Variants in NBAS observed in about 807,000 individuals in gnomAD.
NBAS encodes the protein NAG/BC035112 fusion.
NBAS carries 219 observed loss-of-function variants against 302.5 expected under a neutral mutation model. The ratio of observed to expected loss-of-function variants is 0.72; its 90% CI spans 0.65 to 0.81. The LOEUF (loss-of-function observed/expected upper bound fraction) is 0.81, where lower values mean the gene tolerates loss of function less well. Ranked by LOEUF, NBAS falls within the 30% of genes least tolerant of loss-of-function variation. The probability of loss-of-function intolerance (pLI) is 0.00; values close to 1 mark genes in which losing one functional copy is unlikely to be tolerated. For missense variants in NBAS, 2,932 were observed against 2,841.6 expected, an observed-to-expected ratio of 1.03 and a Z score of -0.72; for synonymous variants, 1,118 against 1,021.6, an observed-to-expected ratio of 1.09 and a Z score of -1.80.
intron 9 of NBAS, among the ~76,000 whole-genome samples, chr2:15,533,021 C>A (rs190802040): frequency 1.3e-5 from 2 of 152,106 alleles, no homozygotes; most frequent in Non-Finnish European, 2.9e-5. Flanking sequence ...AAAAGCTACT[C>A]AGTTTCATCA....
At chr2:15,391,342 A>G (rs2148403498) in intron 28 of NBAS, among the ~76,000 whole-genome samples, 1 of 150,556 alleles carries the variant, frequency 6.6e-6, no homozygotes, top group South Asian at 2.1e-4. Context: ...TGAGGCATGA[A>G]AGTTTAATAA....
At chr2:15,541,650 A>G (rs1663827515) in intron 6 of NBAS, among the ~76,000 whole-genome samples, 1 of 152,032 alleles carries the variant, frequency 6.6e-6, no homozygotes, top group African/African-American at 2.4e-5. Context: ...TACTGCATAC[A>G]TTCTGGAACA....
At chr2:15,086,185 T>G in the NBAS span, among the ~76,000 whole-genome samples, 1 of 152,128 alleles carries the variant, frequency 6.6e-6, no homozygotes, top group Non-Finnish European at 1.5e-5. Context: ...AGCCCCAGGC[T>G]GAGCTAGAGC....
At chr2:14,910,192 A>G in the NBAS span, among the ~76,000 whole-genome samples, 3 of 152,186 alleles carry the variant, frequency 2.0e-5, no homozygotes, top group Non-Finnish European at 4.4e-5. Context: ...TTGATTTAAA[A>G]GGTTTCTGCA....
At chr2:14,800,971 A>G in the NBAS span, among the ~76,000 whole-genome samples, 4 of 151,976 alleles carry the variant, frequency 2.6e-5, no homozygotes, top group African/African-American at 9.7e-5. Flanking sequence ...TATGGTTAGG[A>G]AAAGTATTGA....
rs1457454767 is a variant in NBAS, at chr2:15,475,808, G to C, written c.1220C>G (p.Ser407Cys). ...ADSAVTLARC[S>C]GALTVSSVKT... ...CACAGATGAAACAGTTAAAGCACCAGAGCATCGAGCTAAAGTCACTGCACT... is the reference window on the plus strand; with the variant it reads ...CACAGATGAAACAGTTAAAGCACCACAGCATCGAGCTAAAGTCACTGCACT... Residue 407 changes from serine to cysteine, a missense_variant, in exon 14 of 52, where the codon TCT (serine) becomes TGT (cysteine). Coordinates refer to ENST00000281513, the MANE Select transcript of NBAS (RefSeq NM_015909.4). The C allele has an allele frequency of 3.1e-6, 5 of 1,613,928 alleles. No individual in the cohort carries two copies. Among genetic ancestry groups the C allele is most frequent in the South Asian group, 2.2e-5 (2 of 91,082 alleles).
chr2:15,228,003 T>A (rs1667214381), intron 47 of NBAS, among the ~76,000 whole-genome samples: 1 of 152,010 alleles, frequency 6.6e-6, no homozygotes, highest in Non-Finnish European at 1.5e-5. Context: ...TACATCAAAC[T>A]AAAAAGCTCT....
chr2:15,490,380 C>T lies in NBAS; in HGVS notation c.955-1358G>A, dbSNP rs112257864. ...TTAACTAGATATAACAGGTTAATCC[C>T]AGAATCCCACAATTAAATGTAAGAT... On this transcript the variant is annotated intron_variant, in intron 11 of 51. Coordinates refer to ENST00000281513, the MANE Select transcript of NBAS (RefSeq NM_015909.4). Among the ~76,000 whole-genome samples the T allele has an allele frequency of 9.5e-3, 1,451 of 152,194 alleles. 17 individuals carry two copies. The highest frequency in any genetic ancestry group is 0.03 in the African/African-American group (1,247 of 41,518).
intron 6 of NBAS, among the ~76,000 whole-genome samples, chr2:15,546,185 A>T (rs915161248): frequency 6.6e-6 from 1 of 152,216 alleles, no homozygotes; most frequent in East Asian, 1.9e-4. Context: ...GAACATATCT[A>T]CAGTAACAGG....
the NBAS span, among the ~76,000 whole-genome samples, chr2:15,083,623 G>A: frequency 1.3e-5 from 2 of 152,190 alleles, no homozygotes; most frequent in African/African-American, 4.8e-5. Context: ...AAGCCTGCTT[G>A]TACCAACATA....
intron 35 of NBAS, among the ~76,000 whole-genome samples, chr2:15,332,620 T>C (rs1242937264): frequency 2.0e-5 from 3 of 151,066 alleles, no homozygotes; most frequent in African/African-American, 7.3e-5. Flanking sequence ...CAATATTATA[T>C]ACTATAATTT....
At chr2:14,871,385 T>C in the NBAS span, among the ~76,000 whole-genome samples, 1 of 152,070 alleles carries the variant, frequency 6.6e-6, no homozygotes, top group Non-Finnish European at 1.5e-5. Context: ...TTTAGACATA[T>C]GACATCTGAG....
intron 44 of NBAS, among the ~76,000 whole-genome samples, chr2:15,255,586 G>A (rs913273139): frequency 1.3e-5 from 2 of 152,054 alleles, no homozygotes; most frequent in African/African-American, 2.4e-5. Context: ...TTTATCTTTG[G>A]TTTTGTTTCA....
At chr2:14,874,623 A>G in the NBAS span, among the ~76,000 whole-genome samples, 1 of 151,052 alleles carries the variant, frequency 6.6e-6, no homozygotes, top group African/African-American at 2.4e-5. Flanking sequence ...CTGGACGACA[A>G]AGCGAGACTC....
chr2:15,024,668 G>C, the NBAS span, among the ~76,000 whole-genome samples: 1 of 152,114 alleles, frequency 6.6e-6, no homozygotes, highest in Non-Finnish European at 1.5e-5. Flanking sequence ...TTTTTTGACT[G>C]GTGTGAGATG....
the NBAS span, among the ~76,000 whole-genome samples, chr2:14,969,207 G>A: frequency 8.5e-3 from 1,299 of 152,238 alleles, 74 homozygotes; most frequent in Admixed American, 0.078. Context: ...AATGGGTACC[G>A]TGGGGTGAAT....
chr2:15,277,943 G>T lies in NBAS; in HGVS notation c.5139-842C>A, dbSNP rs541251889. 2.6e-5 allele frequency among the ~76,000 whole-genome samples: 4 copies of T among 152,168 alleles called. No homozygotes were observed. In the South Asian group the frequency reaches 8.4e-4, roughly 32 times the overall value. On this transcript the variant is annotated intron_variant, in intron 42 of 51. Transcript: ENST00000281513. ...GTGATGAGTTTCATACTCCCTAATT[G>T]TAAGAGTCCTTCAGGCAGCCCTGCA...
downstream of NBAS, among the ~76,000 whole-genome samples, chr2:15,163,068 G>A (rs562202161): frequency 2.9e-4 from 44 of 152,332 alleles, no homozygotes; most frequent in African/African-American, 9.9e-4. Context: ...TGGGAGCTGC[G>A]CTGACTGGGA....
chr2:15,401,933 CA>C (rs1467047911), intron 26 of NBAS, among the ~76,000 whole-genome samples: 1 of 151,948 alleles, frequency 6.6e-6, no homozygotes, highest in East Asian at 1.9e-4. Context: ...TCATGTTTGA[CA>C]AAATTCAGAA....
Sources: allele counts gnomAD v4.1 joint callset (sites outside exome capture counted in the v4.1 genomes callset), GRCh38; gene constraint gnomAD v4.1.1; transcripts MANE v1.5; gene names NCBI Gene and HGNC (gene_info 2026-07-23, HGNC 2026-07-21).